MTX2: variants seen among roughly 807,000 people sequenced by gnomAD.
The protein encoded by MTX2 is metaxin-2.
A neutral mutation model predicts 42.3 loss-of-function variants in MTX2; 35 were observed. The ratio of observed to expected loss-of-function variants is 0.83; its 90% CI spans 0.63 to 1.10. MTX2 has a LOEUF of 1.10. Among genes scored for constraint, MTX2 ranks in the 50% least tolerant of loss-of-function variants. The probability of loss-of-function intolerance (pLI) is 0.00; values close to 1 mark genes in which losing one functional copy is unlikely to be tolerated. For synonymous variants in MTX2, 119 were observed against 100.9 expected, an observed-to-expected ratio of 1.18 and a Z score of -1.08; for missense variants, 307 against 304.1, an observed-to-expected ratio of 1.01 and a Z score of -0.07.
intron 2 of MTX2, 40 bp downstream of exon 2, chr2:176,296,947 C>G (rs1232894664): frequency 1.9e-6 from 3 of 1,567,300 alleles, no homozygotes; most frequent in Non-Finnish European, 2.6e-6. Flanking sequence ...TTGTATCAAA[C>G]TATATTTATT....
At chr2:176,333,345 AG>A (rs1684904623) in intron 9 of MTX2, among the ~76,000 whole-genome samples, 1 of 151,656 alleles carries the variant, frequency 6.6e-6, no homozygotes, top group Admixed American at 6.6e-5. Context: ...TTGATTAAAT[AG>A]TTCAGTAGAA....
In MTX2 at chr2:176,328,932, TTA is replaced by T. The variant is rs1558944591; in HGVS notation, c.417+22_417+23del. On this transcript the variant is annotated intron_variant, in intron 7 of 9. Coordinates refer to ENST00000249442, the MANE Select transcript of MTX2 (RefSeq NM_006554.5). ...GGGGAGGTGAGTGGTTCTGTAACAT[TTA>T]TCTTAATTAAAATTTAATGAGAAAA... The T allele has an allele frequency of 6.3e-7, 1 of 1,588,364 alleles. No individual in the cohort carries two copies. Among genetic ancestry groups the T allele is most frequent in the South Asian group, 1.1e-5 (1 of 89,598 alleles).
chr2:176,300,202 G>A (rs1683988430), intron 3 of MTX2, among the ~76,000 whole-genome samples: 1 of 151,952 alleles, frequency 6.6e-6, no homozygotes, highest in South Asian at 2.1e-4. Context: ...TTAAGCTTAT[G>A]CTGACTGGAA....
At chr2:176,295,535 T>C (rs1375133282) in intron 1 of MTX2, among the ~76,000 whole-genome samples, 1 of 152,184 alleles carries the variant, frequency 6.6e-6, no homozygotes, top group Non-Finnish European at 1.5e-5. Context: ...ATGTGTAGTA[T>C]TGTGTGTGAC....
At chr2:176,330,359 G>A (rs1196048962) in intron 8 of MTX2, among the ~76,000 whole-genome samples, 1 of 148,814 alleles carries the variant, frequency 6.7e-6, no homozygotes, top group Non-Finnish European at 1.5e-5. Context: ...TATATAGAAA[G>A]TATTTCTTAT....
At chr2:176,282,131 T>TTTTGTTTTTTTTG (rs1339260489) in intron 1 of MTX2, among the ~76,000 whole-genome samples, 2 of 134,512 alleles carry the variant, frequency 1.5e-5, no homozygotes, top group African/African-American at 5.6e-5. Flanking sequence ...CAGTAGTTTT[T>TTTTGTTTTTTTTG]TTTTTTTTTT....
At chr2:176,311,100 A>G (rs966700139) in intron 3 of MTX2, among the ~76,000 whole-genome samples, 7 of 151,384 alleles carry the variant, frequency 4.6e-5, no homozygotes, top group East Asian at 1.9e-4. Flanking sequence ...TGACCTTTTT[A>G]TTGATGTTGA....
At chr2:176,299,587 G>T (rs540198327) in intron 3 of MTX2, among the ~76,000 whole-genome samples, 21 of 151,994 alleles carry the variant, frequency 1.4e-4, no homozygotes, top group African/African-American at 5.1e-4. Context: ...GATAAATTAC[G>T]CAGCATATAT....
At chr2:176,333,161 T>TA (rs1287402591) in intron 9 of MTX2, among the ~76,000 whole-genome samples, 1 of 151,540 alleles carries the variant, frequency 6.6e-6, no homozygotes, top group Admixed American at 6.6e-5. Context: ...AAAAAGTCTA[T>TA]AAAGATAAAT....
intron 1 of MTX2, among the ~76,000 whole-genome samples, chr2:176,287,211 T>A (rs1693225750): frequency 6.6e-6 from 1 of 152,204 alleles, no homozygotes; most frequent in Non-Finnish European, 1.5e-5. Flanking sequence ...TAATTGTGCC[T>A]TTAGCTCTTA....
chr2:176,276,108 A>G (rs954516436), intron 1 of MTX2, among the ~76,000 whole-genome samples: 3 of 152,250 alleles, frequency 2.0e-5, no homozygotes, highest in Admixed American at 6.5e-5. Flanking sequence ...CAATTTTGGT[A>G]AAGCTTTAAA....
intron 1 of MTX2, among the ~76,000 whole-genome samples, chr2:176,277,456 G>A (rs2105395101): frequency 6.6e-6 from 1 of 152,304 alleles, no homozygotes; most frequent in East Asian, 1.9e-4. Flanking sequence ...AGGCTGGAGT[G>A]CAGTGGTACA....
chr2:176,297,657 T>G (rs890955989), intron 2 of MTX2, among the ~76,000 whole-genome samples, 192 bp from the exon 3 acceptor site: 1 of 152,084 alleles, frequency 6.6e-6, no homozygotes, highest in African/African-American at 2.4e-5. Flanking sequence ...GATCAAATAG[T>G]TTTAGAGGAA....
intron 3 of MTX2, among the ~76,000 whole-genome samples, chr2:176,311,454 T>C (rs1235789357): frequency 2.0e-5 from 3 of 152,186 alleles, no homozygotes; most frequent in Non-Finnish European, 4.4e-5. Context: ...GACAGGGACA[T>C]TGAAGTCTGC....
intron 7 of MTX2, 74 bp from the exon 8 acceptor site, chr2:176,329,227 T>C: frequency 6.8e-7 from 1 of 1,466,500 alleles, no homozygotes; most frequent in Admixed American, 2.1e-5. Context: ...TATATTTCTT[T>C]TAGAATTCTA....
intron 3 of MTX2, among the ~76,000 whole-genome samples, chr2:176,306,537 G>A (rs1423928931): frequency 2.6e-5 from 4 of 152,274 alleles, no homozygotes; most frequent in Non-Finnish European, 5.9e-5. Flanking sequence ...CAGTGTAAAA[G>A]CATTCCTATT....
intron 1 of MTX2, chr2:176,270,278 C>T: frequency 8.6e-7 from 1 of 1,163,534 alleles, no homozygotes; most frequent in Non-Finnish European, 1.1e-6. Flanking sequence ...TCAAGCGATT[C>T]TCCTGCCTTA....
At chr2:176,297,516 CT>C (rs1358754838) in intron 2 of MTX2, among the ~76,000 whole-genome samples, 1 of 152,080 alleles carries the variant, frequency 6.6e-6, no homozygotes, top group African/African-American at 2.4e-5. Context: ...ATTGTGAATG[CT>C]TTTACTTTTA....
At chr2:176,304,276 A>G (rs1485738862) in intron 3 of MTX2, 2 of 154,530 alleles carry the variant, frequency 1.3e-5, no homozygotes, top group Non-Finnish European at 2.9e-5. Flanking sequence ...AACAAGAATT[A>G]CATTATACTG....
Sources: allele counts gnomAD v4.1 joint callset (sites outside exome capture counted in the v4.1 genomes callset), GRCh38; gene constraint gnomAD v4.1.1; transcripts MANE v1.5; gene names NCBI Gene and HGNC (gene_info 2026-07-23, HGNC 2026-07-21).